SLC41A3: variants seen among roughly 807,000 people sequenced by gnomAD.
SLC41A3 encodes solute carrier family 41 member 3.
In SLC41A3, 44 loss-of-function variants were observed where a neutral mutation model predicts 45.4. The observed-to-expected ratio is 0.97, with a 90% CI of 0.76 to 1.25. The LOEUF (loss-of-function observed/expected upper bound fraction) is 1.25. SLC41A3 is among the 50% of genes most tolerant of loss of function. The pLI is 0.00. For missense variants in SLC41A3, 550 were observed against 600.6 expected, an observed-to-expected ratio of 0.92 and a Z score of 0.88; for synonymous variants, 256 against 252.4, an observed-to-expected ratio of 1.01 and a Z score of -0.13.
chr3:126,027,395 C>G (rs1941450338), intron 4 of SLC41A3, among the ~76,000 whole-genome samples: 1 of 152,106 alleles, frequency 6.6e-6, no homozygotes, highest in Non-Finnish European at 1.5e-5. Context: ...CCTTTGCATT[C>G]CCCCCATGCT....
At chr3:126,101,490 C>A (rs1001760379) in exon 1 of SLC41A3, 2 of 152,240 alleles carry the variant, frequency 1.3e-5, no homozygotes, top group Non-Finnish European at 2.9e-5. Flanking sequence ...TCCAGTCTCG[C>A]CCATCTGCAC....
At chr3:126,044,895 C>CAAAAAAAAAAAAAAAAAAAAAAAAA (rs57581225) in intron 3 of SLC41A3, among the ~76,000 whole-genome samples, 2 of 82,718 alleles carry the variant, frequency 2.4e-5, no homozygotes, top group African/African-American at 6.0e-5. Flanking sequence ...GACTCCATCT[C>CAAAAAAAAAAAAAAAAAAAAAAAAA]AAAAAAAAAA....
intron 6 of SLC41A3, among the ~76,000 whole-genome samples, chr3:126,021,043 C>A (rs561372825): frequency 6.6e-6 from 1 of 152,076 alleles, no homozygotes; most frequent in African/African-American, 2.4e-5. Flanking sequence ...TACAGGCGCC[C>A]GCCACCATGC....
chr3:126,097,850 A>G lies in SLC41A3; in HGVS notation c.-79+3579T>C, dbSNP rs114039176. Among the ~76,000 whole-genome samples the G allele has an allele frequency of 4.9e-3, 742 of 152,334 alleles. 8 individuals carry two copies. The highest frequency in any genetic ancestry group is 0.017 in the African/African-American group (715 of 41,578). On this transcript the variant is annotated intron_variant, in intron 1 of 9. Transcript: ENST00000508835. Reference sequence around the variant, plus strand: ...AGCTCCAAAGGGCAGTCACCACACCAGCACACAGGATCCACTTCTTGGGAC... The same window carrying G: ...AGCTCCAAAGGGCAGTCACCACACCGGCACACAGGATCCACTTCTTGGGAC...
chr3:126,056,457 C>A (rs775743166), intron 2 of SLC41A3: 6 of 1,614,100 alleles, frequency 3.7e-6, no homozygotes, highest in Non-Finnish European at 5.1e-6. Flanking sequence ...AAGATTCAGG[C>A]AAGACCCCAT....
Position 126,026,278 on chromosome 3 carries a change from GT to G in SLC41A3, c.598+56del. The G allele has an allele frequency of 3.9e-6, 6 of 1,546,350 alleles. No individual in the cohort carries two copies. In the South Asian group the frequency reaches 7.2e-5, roughly 19 times the overall value. ...AACTGAAAACACAATGAGCTCTGAG[GT>G]GGGACCTCAGAGGAGCAGGGAGCGG... On this transcript the variant is annotated intron_variant, in intron 5 of 10. Coordinates refer to ENST00000360370, the MANE Select transcript of SLC41A3 (RefSeq NM_017836.4). The surrounding 1 kb of genome is among the most constrained non-coding windows in gnomAD (Gnocchi z 4.2).
intron 1 of SLC41A3, among the ~76,000 whole-genome samples, chr3:126,073,514 C>A (rs1418975206): frequency 6.6e-6 from 1 of 152,086 alleles, no homozygotes; most frequent in African/African-American, 2.4e-5. Flanking sequence ...GTGACAAAAT[C>A]ATCTGTACAC....
chr3:126,077,808 G>A (rs551247033), intron 1 of SLC41A3, among the ~76,000 whole-genome samples: 2 of 152,302 alleles, frequency 1.3e-5, no homozygotes, highest in South Asian at 2.1e-4. Flanking sequence ...TGCCTCCTCC[G>A]TGCTTCCTTC....
chr3:126,060,825 C>T (rs1944025443), intron 2 of SLC41A3, among the ~76,000 whole-genome samples: 2 of 152,200 alleles, frequency 1.3e-5, no homozygotes, highest in Non-Finnish European at 2.9e-5. Context: ...TTCTGTGTGA[C>T]CTTCTCTGGG....
chr3:126,065,736 G>A (rs1032659142), intron 2 of SLC41A3, among the ~76,000 whole-genome samples: 3 of 152,004 alleles, frequency 2.0e-5, no homozygotes, highest in African/African-American at 7.2e-5. Flanking sequence ...ATAGCAAAAA[G>A]CCACCAAAAG....
At position 126,026,504 on chromosome 3, in the gene SLC41A3, G is replaced by A. The variant is rs1371361685; in HGVS notation, c.454-25C>T. The A allele has an allele frequency of 4.4e-6, 7 of 1,595,128 alleles. No homozygotes were observed. The highest frequency in any genetic ancestry group is 6.0e-6 in the Non-Finnish European group (7 of 1,170,310). The stretch of plus-strand genomic sequence containing the variant: ...CCTGTTGGACAGAAATCAGAAGCAT[G>A]AAGGGGGGCCCCGGGGCCACAGCCA... On this transcript the variant is annotated intron_variant, in intron 4 of 10. Transcript: ENST00000360370. The surrounding 1 kb of genome is among the most constrained non-coding windows in gnomAD (Gnocchi z 4.2).
chr3:126,065,923 A>C (rs1338828431), intron 2 of SLC41A3, among the ~76,000 whole-genome samples: 2 of 152,182 alleles, frequency 1.3e-5, no homozygotes, highest in African/African-American at 4.8e-5. Flanking sequence ...AACCTGTCTC[A>C]CTCATAATAA....
rs148654679 is a variant in SLC41A3 at position 126,059,659 on chromosome 3, T to C, written c.273+8288A>G. Among the ~76,000 whole-genome samples, 9 of 152,234 alleles carry C rather than the reference T, an allele frequency of 5.9e-5. No homozygotes were observed. The East Asian group carries it at 1.7e-3, about 29-fold the overall frequency. On this transcript the variant is annotated intron_variant, in intron 2 of 10. Transcript: ENST00000360370. ...GCTTCTGGGCTGCCTGCCAACCCCA[T>C]CACTGCCCGTCATCCATGGTTAGGA... is the stretch of plus-strand genomic sequence containing the variant.
In SLC41A3 at chr3:126,006,946, G is replaced by A; in HGVS notation, c.*70C>T. 3 of 1,600,674 alleles carry A rather than the reference G, an allele frequency of 1.9e-6. No homozygotes were observed. Among genetic ancestry groups the A allele is most frequent in the Non-Finnish European group, 2.6e-6 (3 of 1,172,240 alleles). On this transcript the variant is annotated 3_prime_UTR_variant, in exon 11 of 11. Coordinates refer to ENST00000360370, the MANE Select transcript of SLC41A3 (RefSeq NM_017836.4). ...ACCATCCCAAGGACCTGGCAAGGGA[G>A]AAACTGAATTCTGTATCCCACTGAT...
intron 8 of SLC41A3, among the ~76,000 whole-genome samples, chr3:126,013,811 G>T (rs545173249): frequency 6.6e-5 from 10 of 152,278 alleles, no homozygotes; most frequent in East Asian, 1.9e-4. Context: ...TGTGCCCAGA[G>T]CAAGTGGCTT....
chr3:126,082,451 C>T (rs1337392800), intron 1 of SLC41A3, among the ~76,000 whole-genome samples: 2 of 152,198 alleles, frequency 1.3e-5, no homozygotes, highest in African/African-American at 4.8e-5. Flanking sequence ...AGTGTGGAGG[C>T]CGAGAAACCC....
At chr3:126,016,674 T>C in intron 7 of SLC41A3, 57 bp downstream of exon 7, 2 of 1,561,162 alleles carry the variant, frequency 1.3e-6, no homozygotes, top group Non-Finnish European at 1.7e-6. Context: ...ACCCTGGTTC[T>C]AGGGGCCTTC....
At chr3:126,068,338 C>T in intron 1 of SLC41A3, 92 bp from the exon 2 acceptor site, 1 of 1,225,808 alleles carries the variant, frequency 8.2e-7, no homozygotes, top group Non-Finnish European at 1.1e-6. Context: ...CAGCCCCAGG[C>T]CGGCATGGTC....
intron 2 of SLC41A3, chr3:126,056,591 A>G (rs778863533): frequency 4.4e-6 from 7 of 1,593,890 alleles, no homozygotes; most frequent in Non-Finnish European, 6.0e-6. Context: ...GCACGAAGTC[A>G]GAGCCTGGGG....
Sources: allele counts gnomAD v4.1 joint callset (sites outside exome capture counted in the v4.1 genomes callset), GRCh38; gene constraint gnomAD v4.1.1; non-coding constraint Gnocchi (gnomAD v3.1); transcripts MANE v1.5; gene names NCBI Gene and HGNC (gene_info 2026-07-23, HGNC 2026-07-21).